Variants in CTNNA3 observed in about 807,000 individuals in gnomAD.
CTNNA3 encodes catenin alpha 3.
Under a neutral mutation model 95.7 loss-of-function variants are expected in CTNNA3, and 76 were observed. The observed-to-expected ratio is 0.79, with a 90% CI of 0.66 to 0.96. The LOEUF (loss-of-function observed/expected upper bound fraction) is 0.96. CTNNA3 is among the 40% of genes least tolerant of loss of function. CTNNA3 has a pLI of 0.00. For missense variants in CTNNA3, 1,191 were observed against 1,089.8 expected, an observed-to-expected ratio of 1.09 and a Z score of -1.31; for synonymous variants, 431 against 374.4, an observed-to-expected ratio of 1.15 and a Z score of -1.74.
chr10:67,653,811 C>T (rs1209007492), intron 1 of CTNNA3, among the ~76,000 whole-genome samples: 1 of 152,076 alleles, frequency 6.6e-6, no homozygotes, highest in African/African-American at 2.4e-5. Context: ...TCCATGGGGC[C>T]AAGATGATGC....
upstream of CTNNA3, among the ~76,000 whole-genome samples, chr10:67,696,726 C>T (rs149740253): frequency 0.014 from 2,087 of 152,032 alleles, 23 homozygotes; most frequent in South Asian, 0.03. Flanking sequence ...AAAAAAAAGT[C>T]TTCTCCACCA....
intron 1 of CTNNA3, among the ~76,000 whole-genome samples, chr10:67,725,176 T>C (rs1314319458): frequency 6.7e-6 from 1 of 148,762 alleles, no homozygotes; most frequent in African/African-American, 2.6e-5. Flanking sequence ...TTTATTAATT[T>C]ACCTTTTTTT....
intron 15 of CTNNA3, among the ~76,000 whole-genome samples, chr10:65,993,565 T>G (rs900832575): frequency 2.6e-5 from 4 of 152,236 alleles, no homozygotes; most frequent in Admixed American, 2.0e-4. Flanking sequence ...GTAGAGATAC[T>G]TATGCTCACT....
chr10:67,472,788 T>C (rs1255444424), intron 5 of CTNNA3, among the ~76,000 whole-genome samples: 1 of 152,226 alleles, frequency 6.6e-6, no homozygotes, highest in Non-Finnish European at 1.5e-5. Flanking sequence ...CTCTGTTGGC[T>C]CACTCTTGAA....
In CTNNA3 at chr10:66,863,440, T is replaced by C. The variant is rs564394477; in HGVS notation, c.1048-87916A>G. Among the ~76,000 whole-genome samples the C allele has an allele frequency of 2.3e-4, 35 of 152,082 alleles. 1 individual carries two copies. In the South Asian group the frequency reaches 7.3e-3, roughly 32 times the overall value. On this transcript the variant is annotated intron_variant, in intron 7 of 17. Coordinates refer to ENST00000433211, the MANE Select transcript of CTNNA3 (RefSeq NM_013266.4). ...GCAATAATCCAGGCAAGAGACAAATTTGTGGCTTTTACTAGGGAGGTAGTG... is the reference window on the plus strand; with the variant it reads ...GCAATAATCCAGGCAAGAGACAAATCTGTGGCTTTTACTAGGGAGGTAGTG...
chr10:66,776,782 T>C (rs1840319504), intron 7 of CTNNA3, among the ~76,000 whole-genome samples: 1 of 152,152 alleles, frequency 6.6e-6, no homozygotes, highest in Admixed American at 6.5e-5. Flanking sequence ...TTTTCCTTTT[T>C]CCAACAGCAT....
chr10:66,926,654 A>C (rs1847091535), intron 7 of CTNNA3: 1 of 1,550,692 alleles, frequency 6.4e-7, no homozygotes, highest in Non-Finnish European at 8.9e-7. Flanking sequence ...AGTGTGTGTA[A>C]TAATTCTGCC....
rs148457020 is a variant in CTNNA3 at position 66,153,848 on chromosome 10, TACACAC to T, written c.1885-50605_1885-50600del. Among the ~76,000 whole-genome samples, 271 of 149,042 alleles carry T rather than the reference TACACAC, an allele frequency of 1.8e-3. 4 individuals carry two copies. The East Asian group carries it at 0.033, about 18-fold the overall frequency. On this transcript the variant is annotated intron_variant, in intron 13 of 17. Transcript: ENST00000433211. ...TGCCTCTGATACTTAATAATTTGTT[TACACAC>T]ACACACACACACACACACACACACA...
At chr10:66,218,910 C>T (rs2088728490) in intron 13 of CTNNA3, among the ~76,000 whole-genome samples, 1 of 152,004 alleles carries the variant, frequency 6.6e-6, no homozygotes, top group Non-Finnish European at 1.5e-5. Context: ...AATCAAGAAA[C>T]TTCCAAATTT....
chr10:66,330,417 G>A (rs1291587981), intron 12 of CTNNA3, among the ~76,000 whole-genome samples: 2 of 151,934 alleles, frequency 1.3e-5, no homozygotes, highest in Non-Finnish European at 2.9e-5. Context: ...TTTTATGGCT[G>A]CATAGTATTC....
At chr10:67,740,961 A>T (rs1485716983) in intron 1 of CTNNA3, among the ~76,000 whole-genome samples, 1 of 151,466 alleles carries the variant, frequency 6.6e-6, no homozygotes, top group Non-Finnish European at 1.5e-5. Flanking sequence ...CATATACACC[A>T]TGGAATACTA....
At chr10:66,968,064 G>A (rs973795213) in intron 7 of CTNNA3, among the ~76,000 whole-genome samples, 2 of 151,996 alleles carry the variant, frequency 1.3e-5, no homozygotes, top group Non-Finnish European at 2.9e-5. Context: ...GTTACCACTT[G>A]GAAGTAGTTC....
In CTNNA3 at chr10:66,298,635, G is replaced by A. The variant is rs147374593; in HGVS notation, c.1733-18014C>T. Among the ~76,000 whole-genome samples the A allele has an allele frequency of 7.5e-3, 1,137 of 152,014 alleles. 12 individuals are homozygous for A. Among genetic ancestry groups the A allele is most frequent in the African/African-American group, 0.026 (1,078 of 41,472 alleles). Reference sequence around the variant, plus strand: ...TTTCGTGGATATTTTATTGGGAGACGGTACCTGCCTTTCACTCTTTAAGCC... The same window carrying A: ...TTTCGTGGATATTTTATTGGGAGACAGTACCTGCCTTTCACTCTTTAAGCC... On this transcript the variant is annotated intron_variant, in intron 12 of 17. Transcript: ENST00000433211.
intron 1 of CTNNA3, chr10:67,648,716 C>G: frequency 7.8e-7 from 1 of 1,288,262 alleles, no homozygotes; most frequent in Non-Finnish European, 1.0e-6. Context: ...AAAGTCAAAG[C>G]CCTACAATTT....
In CTNNA3 at chr10:66,556,240, G is replaced by A. The variant is rs1842385298; in HGVS notation, c.1375-35467C>T. ...AGTGTTGGCAAGGGTGAGCAGAAAA[G>A]TGAGCCCTTCCACACTGTTAATGGG... is the stretch of plus-strand genomic sequence containing the variant. On this transcript the variant is annotated intron_variant, in intron 10 of 17. Transcript: ENST00000433211. Among the ~76,000 whole-genome samples, 5 of 151,932 alleles carry A rather than the reference G, an allele frequency of 3.3e-5. No homozygotes were observed. In the South Asian group the frequency reaches 1.0e-3, roughly 31 times the overall value.
chr10:67,226,509 T>C (rs1029353033), intron 5 of CTNNA3, among the ~76,000 whole-genome samples: 1 of 152,176 alleles, frequency 6.6e-6, no homozygotes, highest in African/African-American at 2.4e-5. Flanking sequence ...AAACCTGTCA[T>C]ATTAACAGCA....
At chr10:66,798,097 C>T (rs1841282964) in intron 7 of CTNNA3, among the ~76,000 whole-genome samples, 1 of 151,890 alleles carries the variant, frequency 6.6e-6, no homozygotes. Flanking sequence ...CAGGTTGGAA[C>T]TTTAAAAAAT....
At chr10:66,029,062 A>G (rs971282649) in intron 15 of CTNNA3, among the ~76,000 whole-genome samples, 6 of 152,206 alleles carry the variant, frequency 3.9e-5, no homozygotes, top group African/African-American at 7.2e-5. Flanking sequence ...ATATAACTCA[A>G]GAAAGATAGA....
chr10:66,819,007 T>C (rs997594020), intron 7 of CTNNA3, among the ~76,000 whole-genome samples: 8 of 151,146 alleles, frequency 5.3e-5, no homozygotes, highest in Non-Finnish European at 7.4e-5. Flanking sequence ...TGAGACTCTC[T>C]TGAGCCACGG....
Sources: gnomAD v4.1 joint callset for allele counts (sites outside exome capture counted in the v4.1 genomes callset) on GRCh38, gnomAD v4.1.1 for gene constraint, MANE v1.5 for transcripts, NCBI Gene and HGNC (gene_info 2026-07-23, HGNC 2026-07-21) for gene names.